ANK2: variants seen among roughly 807,000 people sequenced by gnomAD.
The protein encoded by ANK2 is ankyrin 2.
Under a neutral mutation model 360.5 loss-of-function variants are expected in ANK2, and 83 were observed. That is an observed-to-expected ratio of 0.23 (90% CI 0.19 to 0.28). The LOEUF is 0.28. Ranked by LOEUF, ANK2 falls within the 10% of genes least tolerant of loss-of-function variation. The probability of loss-of-function intolerance (pLI) is 1.00; values close to 1 mark genes in which losing one functional copy is unlikely to be tolerated. For synonymous variants in ANK2, 1,740 were observed against 1,759.5 expected, an observed-to-expected ratio of 0.99 and a Z score of 0.28; for missense variants, 4,201 against 4,795.7, an observed-to-expected ratio of 0.88 and a Z score of 3.66.
intron 22 of ANK2, 96 bp downstream of exon 22, chr4:113,293,634 CT>C: frequency 8.1e-7 from 1 of 1,233,092 alleles, no homozygotes. Flanking sequence ...ATGTTTGGAG[CT>C]TTTAGTTTTG....
At chr4:112,907,089 C>A (rs2085499194) in intron 2 of ANK2, among the ~76,000 whole-genome samples, 1 of 152,036 alleles carries the variant, frequency 6.6e-6, no homozygotes, top group African/African-American at 2.4e-5. Context: ...GTCCTTTTTG[C>A]CATGACTGAA....
chr4:113,066,251 G>T (rs778521954), intron 1 of ANK2, among the ~76,000 whole-genome samples: 2 of 152,052 alleles, frequency 1.3e-5, no homozygotes, highest in Non-Finnish European at 2.9e-5. Flanking sequence ...TACAGTTTTT[G>T]CAAGCCGACC....
At chr4:112,910,654 G>C (rs995963112) in intron 2 of ANK2, among the ~76,000 whole-genome samples, 1 of 152,150 alleles carries the variant, frequency 6.6e-6, no homozygotes, top group Non-Finnish European at 1.5e-5. Context: ...AGCAAAATGG[G>C]TTGCACTTGG....
At chr4:113,060,374 A>G (rs186530971) in intron 1 of ANK2, among the ~76,000 whole-genome samples, 2 of 152,190 alleles carry the variant, frequency 1.3e-5, no homozygotes, top group East Asian at 3.9e-4. Context: ...AGATTATCTA[A>G]TTTTATCTTC....
intron 1 of ANK2, among the ~76,000 whole-genome samples, chr4:112,862,896 T>C (rs918837653): frequency 1.3e-5 from 2 of 151,780 alleles, no homozygotes; most frequent in Admixed American, 6.6e-5. Flanking sequence ...AAAAAAAAAA[T>C]GAAATGAAAG....
At chr4:113,152,841 C>T (rs1036875440) in intron 1 of ANK2, among the ~76,000 whole-genome samples, 2 of 151,916 alleles carry the variant, frequency 1.3e-5, no homozygotes, top group African/African-American at 2.4e-5. Context: ...ATTGAGGGTA[C>T]AGTGAGCCTT....
At chr4:113,229,408 C>A (rs2099265299) in intron 4 of ANK2, among the ~76,000 whole-genome samples, 1 of 152,176 alleles carries the variant, frequency 6.6e-6, no homozygotes, top group Non-Finnish European at 1.5e-5. Context: ...GTAAAGACCC[C>A]AGTGATTACA....
chr4:113,287,667 C>T lies in ANK2; in HGVS notation c.2142C>T (p.Leu714=), dbSNP rs758746296. The change falls in exon 19 of 46, where the codon CTC becomes CTT. Residue 714 remains leucine, a synonymous_variant. Transcript: ENST00000357077. ...ATAAAGTGAATGTTGCTGATATTCT[C>T]ACCAAGCATGGAGCTGATCAGGATG... ...QEDKVNVADI[L]TKHGADQDAH... 1 of 1,613,384 alleles carries T rather than the reference C, an allele frequency of 6.2e-7. No individual in the cohort carries two copies. The highest frequency in any genetic ancestry group is 8.5e-7 in the Non-Finnish European group (1 of 1,179,396).
chr4:112,946,480 G>C (rs767988457), intron 2 of ANK2, among the ~76,000 whole-genome samples: 7 of 152,178 alleles, frequency 4.6e-5, no homozygotes, highest in Non-Finnish European at 8.8e-5. Flanking sequence ...ATCTTTAAAG[G>C]AGTGTTTAAA....
At chr4:113,030,912 T>C (rs2060263421) in intron 2 of ANK2, among the ~76,000 whole-genome samples, 1 of 152,072 alleles carries the variant, frequency 6.6e-6, no homozygotes, top group African/African-American at 2.4e-5. Context: ...GTTGATCATT[T>C]CCACTTTATA....
intron 1 of ANK2, among the ~76,000 whole-genome samples, chr4:113,172,698 C>G (rs1173363522): frequency 2.0e-5 from 3 of 152,126 alleles, no homozygotes; most frequent in African/African-American, 7.2e-5. Flanking sequence ...TTTGGAAAAA[C>G]TTTATATACA....
the ANK2 span, among the ~76,000 whole-genome samples, chr4:112,778,279 A>G: frequency 6.9e-3 from 1,048 of 151,506 alleles, 17 homozygotes; most frequent in African/African-American, 0.023. Flanking sequence ...CAATCCCAGT[A>G]TTTTTATGCT....
intron 2 of ANK2, among the ~76,000 whole-genome samples, chr4:112,930,702 C>A (rs974203222): frequency 9.5e-4 from 144 of 152,168 alleles, no homozygotes; most frequent in African/African-American, 3.3e-3. Context: ...GCCTGGCCAA[C>A]ATGGTGAAAC....
Position 113,235,061 on chromosome 4 carries a change from T to A in ANK2, c.484-1926T>A, listed in dbSNP as rs1176364478. ...CTACTCTCTTCCTTCTTCCTAAATA[T>A]TACCAAAATTAAAGGCCAAAAACTT... On this transcript the variant is annotated intron_variant, in intron 5 of 45. Coordinates refer to ENST00000357077, the MANE Select transcript of ANK2 (RefSeq NM_001148.6). Among the ~76,000 whole-genome samples the A allele has an allele frequency of 2.6e-5, 4 of 152,174 alleles. No homozygotes were observed. In the East Asian group the frequency reaches 7.7e-4, roughly 29 times the overall value.
At chr4:113,299,901 T>G (rs1274303568) in intron 22 of ANK2, among the ~76,000 whole-genome samples, 1 of 152,054 alleles carries the variant, frequency 6.6e-6, no homozygotes, top group African/African-American at 2.4e-5. Context: ...CTGGGCCCGA[T>G]CCCTATGGAT....
intron 1 of ANK2, among the ~76,000 whole-genome samples, chr4:112,830,114 G>A (rs2059397470): frequency 6.6e-6 from 1 of 152,190 alleles, no homozygotes; most frequent in African/African-American, 2.4e-5. Context: ...GAACTTAAAA[G>A]AGAGCTACCC....
At chr4:113,150,363 T>C (rs1458906756) in intron 1 of ANK2, among the ~76,000 whole-genome samples, 1 of 152,088 alleles carries the variant, frequency 6.6e-6, no homozygotes, top group Non-Finnish European at 1.5e-5. Flanking sequence ...CCAGTGTCCA[T>C]TGGGAGTGGT....
At chr4:112,771,246 G>T in the ANK2 span, among the ~76,000 whole-genome samples, 1 of 152,124 alleles carries the variant, frequency 6.6e-6, no homozygotes, top group Non-Finnish European at 1.5e-5. Context: ...CCTAGTAGCT[G>T]GGATTACAGG....
Position 113,258,369 on chromosome 4 carries a change from C to T in ANK2, c.1344C>T (p.Leu448=). The change falls in exon 13 of 46, where the codon CTC becomes CTT. Residue 448 remains leucine (L), a synonymous_variant. Transcript: ENST00000357077. ...AAFMGHLNIV[L]LLLQNGASPD... ...TCATGGGCCACTTGAACATTGTCCT[C>T]CTTCTGCTGCAGAACGGAGCCTCTC... The T allele has an allele frequency of 6.2e-7, 1 of 1,614,172 alleles. No homozygotes were observed. The highest frequency in any genetic ancestry group is 8.5e-7 in the Non-Finnish European group (1 of 1,180,020).
Sources: gnomAD v4.1 joint callset for allele counts (sites outside exome capture counted in the v4.1 genomes callset) on GRCh38, gnomAD v4.1.1 for gene constraint, MANE v1.5 for transcripts, NCBI Gene and HGNC (gene_info 2026-07-23, HGNC 2026-07-21) for gene names.